Variants in LRRFIP2 observed in about 807,000 individuals in gnomAD.
LRRFIP2 encodes LRR binding FLII interacting protein 2, also known as leucine-rich repeat flightless-interacting protein 2.
In LRRFIP2, 109 loss-of-function variants were observed where a neutral mutation model predicts 125.9. The observed-to-expected ratio is 0.87, with a 90% CI of 0.74 to 1.01. LRRFIP2 has a LOEUF of 1.01. Among genes scored for constraint, LRRFIP2 ranks in the 50% least tolerant of loss-of-function variants. LRRFIP2 has a pLI of 0.00. For synonymous variants in LRRFIP2, 291 were observed against 293.1 expected, an observed-to-expected ratio of 0.99 and a Z score of 0.07; for missense variants, 850 against 862.3, an observed-to-expected ratio of 0.99 and a Z score of 0.18.
rs545139262 is a variant in LRRFIP2, at chr3:37,102,868, G to T, written c.873+56C>A. The T allele has an allele frequency of 1.7e-5, 19 of 1,085,858 alleles. 1 individual carries two copies. In the South Asian group the frequency reaches 2.5e-4, roughly 14 times the overall value. The allele number at this position is 1,085,858 out of a possible 1,614,324, so 67.3% of individuals were successfully genotyped here. ...TTATTATAAAATAGCTAACATATTAGCTGTTAGTCACAAGCCTGGGACAAC... is the reference window on the plus strand; with the variant it reads ...TTATTATAAAATAGCTAACATATTATCTGTTAGTCACAAGCCTGGGACAAC... On this transcript the variant is annotated intron_variant, in intron 15 of 27. Transcript: ENST00000336686.
intron 17 of LRRFIP2, among the ~76,000 whole-genome samples, chr3:37,092,262 G>A (rs1317941087): frequency 2.0e-5 from 3 of 152,180 alleles, no homozygotes; most frequent in Non-Finnish European, 4.4e-5. Flanking sequence ...GGTCTATTCT[G>A]AATGCTCGAT....
chr3:37,162,717 G>A (rs1484205968), intron 1 of LRRFIP2, among the ~76,000 whole-genome samples: 1 of 152,138 alleles, frequency 6.6e-6, no homozygotes. Flanking sequence ...AGAATGATAG[G>A]TGTATCTCAG....
rs146501463 is a variant in LRRFIP2 at position 37,100,366 on chromosome 3, A to G, written c.873+2558T>C. ...TATGTATGCGTATATATATACACAT[A>G]CATACATACATGTATACATACATAC... On this transcript the variant is annotated intron_variant, in intron 15 of 27. Transcript: ENST00000336686. Among the ~76,000 whole-genome samples the G allele has an allele frequency of 5.2e-3, 776 of 149,274 alleles. 7 individuals are homozygous for G. The highest frequency in any genetic ancestry group is 0.019 in the African/African-American group (747 of 38,980).
rs57380966 is a variant in LRRFIP2 at position 37,078,146 on chromosome 3, T to C, written c.1279-3030A>G. ...TTTAAAATGGTTAAGATAATAAATT[T>C]ATCATGTTTTTTAATGATAATTAAA... On this transcript the variant is annotated intron_variant, in intron 19 of 27. Transcript: ENST00000336686. Among the ~76,000 whole-genome samples the C allele has an allele frequency of 1.7e-3, 260 of 152,218 alleles. 1 individual carries two copies. The highest frequency in any genetic ancestry group is 5.5e-3 in the African/African-American group (227 of 41,542).
At chr3:37,148,099 G>A (rs1399389367) in intron 2 of LRRFIP2, among the ~76,000 whole-genome samples, 1 of 152,140 alleles carries the variant, frequency 6.6e-6, no homozygotes, top group Non-Finnish European at 1.5e-5. Flanking sequence ...ATAGCCCAAT[G>A]AGTATTTCTA....
At chr3:37,072,330 G>GT (rs1304574143) in intron 21 of LRRFIP2, among the ~76,000 whole-genome samples, 8 of 151,696 alleles carry the variant, frequency 5.3e-5, no homozygotes, top group African/African-American at 1.9e-4. Flanking sequence ...GTGAAACCCC[G>GT]TCTCTAATAA....
intron 1 of LRRFIP2, among the ~76,000 whole-genome samples, chr3:37,160,733 C>A (rs2096314753): frequency 6.6e-6 from 1 of 151,062 alleles, no homozygotes; most frequent in Non-Finnish European, 1.5e-5. Flanking sequence ...GAGCCGAGAT[C>A]ACGCCATTGC....
intron 1 of LRRFIP2, among the ~76,000 whole-genome samples, chr3:37,162,960 A>C (rs191021598): frequency 6.6e-6 from 1 of 152,334 alleles, no homozygotes; most frequent in African/African-American, 2.4e-5. Context: ...TATTCTTGAG[A>C]GCTAAAGCGT....
chr3:37,123,494 T>C (rs2149593391), intron 4 of LRRFIP2, among the ~76,000 whole-genome samples: 1 of 152,278 alleles, frequency 6.6e-6, no homozygotes, highest in South Asian at 2.1e-4. Flanking sequence ...TGGCCACTGA[T>C]TTACATTTTT....
rs189565550 is a variant in LRRFIP2 at position 37,117,799 on chromosome 3, A to G, written c.331-2704T>C. On this transcript the variant is annotated intron_variant, in intron 6 of 27. Coordinates refer to ENST00000336686, the MANE Select transcript of LRRFIP2 (RefSeq NM_006309.4). ...GACACTGAAAGTCAAAAGTGAATGC[A>G]TAACACTAATACCACACATTTTCCT... Among the ~76,000 whole-genome samples, 414 of 152,314 alleles carry G rather than the reference A, an allele frequency of 2.7e-3. 2 individuals carry two copies. The highest frequency in any genetic ancestry group is 9.7e-3 in the African/African-American group (403 of 41,570).
chr3:37,096,552 A>T, intron 16 of LRRFIP2, 64 bp downstream of exon 16: 1 of 989,248 alleles, frequency 1.0e-6, no homozygotes, highest in Non-Finnish European at 1.6e-6. Context: ...ATAAATAATG[A>T]ACAAGTTACA....
Position 37,102,923 on chromosome 3 carries a change from C to T in LRRFIP2, c.873+1G>A, listed in dbSNP as rs187906648. The T allele has an allele frequency of 4.7e-5, 73 of 1,554,684 alleles. 1 individual carries two copies. The Middle Eastern group carries it at 4.3e-3, about 92-fold the overall frequency. ...CCAACCACCCCATGCAATACACTCA[C>T]GCTGGACAAATCTGGGATACTGATA... is the stretch of plus-strand genomic sequence containing the variant. On this transcript the variant is annotated splice_donor_variant, in intron 15 of 27. Transcript: ENST00000336686. LOFTEE classifies it high-confidence loss of function.
intron 2 of LRRFIP2, among the ~76,000 whole-genome samples, chr3:37,138,108 T>C (rs564298765): frequency 1.3e-5 from 2 of 152,326 alleles, no homozygotes; most frequent in Admixed American, 6.5e-5. Flanking sequence ...CCTGAAGCAA[T>C]TTACCTGAAA....
chr3:37,117,599 T>C (rs1017690847), intron 6 of LRRFIP2, among the ~76,000 whole-genome samples: 3 of 151,946 alleles, frequency 2.0e-5, no homozygotes, highest in African/African-American at 7.2e-5. Context: ...TTTTTAACTT[T>C]AAAAGTTAAA....
At chr3:37,112,599 C>A (rs1393131900) in intron 8 of LRRFIP2, among the ~76,000 whole-genome samples, 1 of 152,028 alleles carries the variant, frequency 6.6e-6, no homozygotes, top group East Asian at 1.9e-4. Context: ...ACAACTAAAT[C>A]AATTCAAATT....
At chr3:37,079,870 G>A (rs1435557829) in intron 19 of LRRFIP2, among the ~76,000 whole-genome samples, 1 of 152,150 alleles carries the variant, frequency 6.6e-6, no homozygotes, top group Non-Finnish European at 1.5e-5. Flanking sequence ...GTCTAGAATA[G>A]GGAACTCTAT....
intron 4 of LRRFIP2, among the ~76,000 whole-genome samples, chr3:37,125,618 G>A (rs1466711364): frequency 6.6e-6 from 1 of 152,210 alleles, no homozygotes; most frequent in Admixed American, 6.5e-5. Context: ...CCCTAGCACA[G>A]TGCTGATATA....
intron 15 of LRRFIP2, among the ~76,000 whole-genome samples, chr3:37,101,530 T>A (rs561903500): frequency 1.1e-3 from 169 of 152,038 alleles, no homozygotes; most frequent in Non-Finnish European, 1.5e-3. Flanking sequence ...CTGGGCGTGA[T>A]GACACACGCT....
intron 23 of LRRFIP2, chr3:37,064,037 A>T (rs1327482009): frequency 4.5e-6 from 2 of 443,036 alleles, no homozygotes; most frequent in East Asian, 4.0e-5. Context: ...CACAGCAGTG[A>T]TTTGCCACTT....
Sources: gnomAD v4.1 joint callset for allele counts (sites outside exome capture counted in the v4.1 genomes callset) on GRCh38, gnomAD v4.1.1 for gene constraint, MANE v1.5 for transcripts, NCBI Gene and HGNC (gene_info 2026-07-23, HGNC 2026-07-21) for gene names.